Variants in PCYT1B observed in about 807,000 individuals in gnomAD.
The protein encoded by PCYT1B is choline-phosphate cytidylyltransferase B.
In PCYT1B, 10 loss-of-function variants were observed where a neutral mutation model predicts 26.4. That is an observed-to-expected ratio of 0.38 (90% CI 0.23 to 0.64). The LOEUF (loss-of-function observed/expected upper bound fraction) is 0.64, where lower values mean the gene tolerates loss of function less well. Among genes scored for constraint, PCYT1B ranks in the 30% least tolerant of loss-of-function variants. PCYT1B has a pLI of 0.56. For synonymous variants in PCYT1B, 131 were observed against 108.4 expected (o/e 1.21, Z -1.29); for missense variants, 161 against 292.7 (o/e 0.55, Z 3.28).
chrX:24,629,649 C>T (rs1273545706), intron 1 of PCYT1B, among the ~76,000 whole-genome samples: 1 of 99,438 alleles, frequency 1.0e-5, no homozygotes, highest in African/African-American at 3.6e-5. Context: ...TTTTTTAAAC[C>T]AGTAAACCAG....
At position 24,661,145 on chromosome X, in the gene PCYT1B, T is replaced by C. The variant is rs1188814432; in HGVS notation, c.63+11425A>G. Among the ~76,000 whole-genome samples, 8 of 112,133 alleles carry C rather than the reference T, an allele frequency of 7.1e-5. No homozygotes were observed. The East Asian group carries it at 1.7e-3, about 23-fold the overall frequency. On this transcript the variant is annotated intron_variant, in intron 1 of 7. Transcript: ENST00000379145. The stretch of plus-strand genomic sequence containing the variant: ...GCATCAATAAGGATAAGAACTGCAA[T>C]TGATGGAAACGTATCTAATGTTTTT...
chrX:24,630,546 T>C (rs768614084), intron 1 of PCYT1B, among the ~76,000 whole-genome samples: 87 of 111,516 alleles, frequency 7.8e-4, no homozygotes, highest in Admixed American at 4.8e-3. Context: ...CCGCCCGCCT[T>C]GGCCTCCCAA....
intron 7 of PCYT1B, among the ~76,000 whole-genome samples, chrX:24,573,690 G>A (rs968453250): frequency 9.0e-6 from 1 of 111,096 alleles, no homozygotes; most frequent in Non-Finnish European, 1.9e-5. Context: ...GAGAGAACAG[G>A]GTCTGTACTT....
chrX:24,628,193 G>A (rs1223218787), intron 1 of PCYT1B, among the ~76,000 whole-genome samples: 1 of 111,720 alleles, frequency 9.0e-6, no homozygotes, highest in African/African-American at 3.2e-5. Flanking sequence ...GATGCAGGTA[G>A]AAGAGAGGTC....
intron 1 of PCYT1B, among the ~76,000 whole-genome samples, chrX:24,656,231 G>GGGC: frequency 1.0e-5 from 1 of 100,199 alleles, no homozygotes; most frequent in Non-Finnish European, 2.0e-5. Flanking sequence ...GGGGGTCGCG[G>GGGC]GGGGGGGTGG....
chrX:24,588,751 T>C (rs1204287166), intron 4 of PCYT1B, among the ~76,000 whole-genome samples: 2 of 111,527 alleles, frequency 1.8e-5, no homozygotes, highest in Non-Finnish European at 3.8e-5. Flanking sequence ...AGCACCCCTC[T>C]AGCTGAGACA....
intron 6 of PCYT1B, 121 bp downstream of exon 6, chrX:24,579,195 A>AT: frequency 1.7e-6 from 1 of 602,452 alleles, no homozygotes; most frequent in South Asian, 4.0e-5. Flanking sequence ...ACAAAAAAAA[A>AT]AAAAAGAGAG....
chrX:24,616,874 T>C (rs1405780817), intron 2 of PCYT1B, among the ~76,000 whole-genome samples: 1 of 112,159 alleles, frequency 8.9e-6, no homozygotes, highest in Non-Finnish European at 1.9e-5. Context: ...TTCACTCTAT[T>C]GAAGGCTATT....
chrX:24,604,006 C>T (rs998591572), intron 3 of PCYT1B, among the ~76,000 whole-genome samples: 1 of 111,329 alleles, frequency 9.0e-6, no homozygotes, highest in African/African-American at 3.3e-5. Context: ...TCTGCCTATA[C>T]ACAGGAGGTT....
chrX:24,654,529 T>A (rs1400926029), intron 1 of PCYT1B, among the ~76,000 whole-genome samples: 1 of 104,367 alleles, frequency 9.6e-6, no homozygotes, highest in East Asian at 3.1e-4. Context: ...GGCAGGTGGA[T>A]AGCTGGAGCC....
At chrX:24,602,734 C>G in intron 3 of PCYT1B, among the ~76,000 whole-genome samples, 1 of 112,040 alleles carries the variant, frequency 8.9e-6, no homozygotes, top group East Asian at 2.8e-4. Context: ...TCACAATATT[C>G]CAGAATTTAC....
chrX:24,590,323 A>G (rs1924518013), intron 3 of PCYT1B, 149 bp from the exon 4 acceptor site: 2 of 460,248 alleles, frequency 4.3e-6, no homozygotes, highest in Admixed American at 9.5e-5. Context: ...TAAAGGGAAC[A>G]AAGGATTTGG....
intron 7 of PCYT1B, among the ~76,000 whole-genome samples, chrX:24,564,366 T>C (rs1923547363): frequency 1.5e-5 from 1 of 68,818 alleles, no homozygotes; most frequent in African/African-American, 4.2e-5. Flanking sequence ...TTTTTTGTTT[T>C]TTTGTTTTTT....
chrX:24,620,258 T>C (rs1258803509), intron 1 of PCYT1B, among the ~76,000 whole-genome samples: 1 of 112,243 alleles, frequency 8.9e-6, no homozygotes, highest in African/African-American at 3.2e-5. Flanking sequence ...GGGATAGAAG[T>C]AGGGATAAGA....
chrX:24,649,235 C>T (rs1204791414), upstream of PCYT1B, among the ~76,000 whole-genome samples: 5 of 111,744 alleles, frequency 4.5e-5, no homozygotes, highest in African/African-American at 1.6e-4. Context: ...CCTTTTCCTA[C>T]GTGTACTGGG....
intron 5 of PCYT1B, among the ~76,000 whole-genome samples, chrX:24,586,559 C>A (rs1320463305): frequency 2.7e-5 from 3 of 111,969 alleles, no homozygotes; most frequent in Non-Finnish European, 5.6e-5. Flanking sequence ...AAGCAGGGAG[C>A]ACTAGACTTC....
intron 1 of PCYT1B, chrX:24,658,155 G>A (rs1405244906): frequency 1.8e-5 from 2 of 111,866 alleles, no homozygotes; most frequent in Non-Finnish European, 3.8e-5. Context: ...ACCATCTGAC[G>A]CCAGGAGGGA....
chrX:24,619,930 G>A (rs780649580), intron 1 of PCYT1B, among the ~76,000 whole-genome samples: 14 of 112,251 alleles, frequency 1.2e-4, no homozygotes, highest in Non-Finnish European at 2.3e-4. Flanking sequence ...CAAAGCAAGC[G>A]GTGTTTTTGT....
chrX:24,629,588 A>C (rs781746350), intron 1 of PCYT1B, among the ~76,000 whole-genome samples: 5,078 of 97,356 alleles, frequency 0.052, 499 homozygotes, highest in African/African-American at 0.19. Context: ...AAAAAAAAAA[A>C]AACAACACGT....
Sources: allele counts gnomAD v4.1 joint callset (sites outside exome capture counted in the v4.1 genomes callset), GRCh38; gene constraint gnomAD v4.1.1; transcripts MANE v1.5; gene names NCBI Gene and HGNC (gene_info 2026-07-23, HGNC 2026-07-21).